AGBL4: variants seen among roughly 807,000 people sequenced by gnomAD.
AGBL4 encodes the protein AGBL carboxypeptidase 4.
AGBL4 carries 58 observed loss-of-function variants against 66.4 expected under a neutral mutation model. The observed-to-expected ratio is 0.87, with a 90% CI of 0.71 to 1.09. AGBL4 has a LOEUF of 1.09. AGBL4 is among the 50% of genes least tolerant of loss of function. The pLI, the probability that AGBL4 is intolerant of heterozygous loss-of-function variation, is 0.00. For synonymous variants in AGBL4, 234 were observed against 222.9 expected, an observed-to-expected ratio of 1.05 and a Z score of -0.44; for missense variants, 579 against 631.0, an observed-to-expected ratio of 0.92 and a Z score of 0.88.
chr1:48,700,943 C>T (rs1055383815), intron 6 of AGBL4, among the ~76,000 whole-genome samples: 7 of 152,248 alleles, frequency 4.6e-5, no homozygotes, highest in East Asian at 1.9e-4. Context: ...CCCACCCCAA[C>T]GAGAACACAG....
chr1:49,640,804 G>T (rs1323116872), intron 3 of AGBL4, among the ~76,000 whole-genome samples: 1 of 152,058 alleles, frequency 6.6e-6, no homozygotes, highest in East Asian at 1.9e-4. Flanking sequence ...GTGTAATCTG[G>T]TGCATAATCT....
At chr1:48,848,841 G>T (rs372534690) in intron 6 of AGBL4, among the ~76,000 whole-genome samples, 1 of 152,180 alleles carries the variant, frequency 6.6e-6, no homozygotes, top group African/African-American at 2.4e-5. Context: ...ACCTGTGTGC[G>T]CACAGATCCA....
chr1:48,892,828 C>A lies in AGBL4; in HGVS notation c.595-25598G>T, dbSNP rs1047698305. Among the ~76,000 whole-genome samples the A allele has an allele frequency of 7.2e-5, 11 of 152,230 alleles. No homozygotes were observed. In the East Asian group the frequency reaches 7.7e-4, roughly 11 times the overall value. On this transcript the variant is annotated intron_variant, in intron 5 of 13. Coordinates refer to ENST00000371839, the MANE Select transcript of AGBL4 (RefSeq NM_032785.4). ...GATATTTTCCTCTAACCATTCCCCC[C>A]CTTTTCTTTTTTAAAATCTTTTGGA... is the stretch of plus-strand genomic sequence containing the variant.
intron 5 of AGBL4, among the ~76,000 whole-genome samples, chr1:48,972,869 G>A (rs570481297): frequency 6.6e-6 from 1 of 152,132 alleles, no homozygotes; most frequent in South Asian, 2.1e-4. Flanking sequence ...TGTTTGTTAC[G>A]CAGTAAGGGC....
intron 5 of AGBL4, among the ~76,000 whole-genome samples, chr1:48,920,838 G>C (rs1237448591): frequency 6.6e-6 from 1 of 152,158 alleles, no homozygotes; most frequent in African/African-American, 2.4e-5. Flanking sequence ...ATACCATGCT[G>C]ACTGTGGTAG....
chr1:49,658,193 T>C (rs1165963946), intron 3 of AGBL4, among the ~76,000 whole-genome samples: 3 of 151,906 alleles, frequency 2.0e-5, no homozygotes, highest in Admixed American at 6.6e-5. Context: ...AAAAAGTGGG[T>C]GAAGGATATG....
chr1:48,691,264 A>C (rs1426517297), intron 6 of AGBL4, among the ~76,000 whole-genome samples: 2 of 151,238 alleles, frequency 1.3e-5, no homozygotes, highest in Non-Finnish European at 2.9e-5. Flanking sequence ...TCTATATTAA[A>C]ATTTTTATTA....
At chr1:48,620,918 GGTGAGGTGGCAGGTAGAGCCGGA>G (rs143806808) in intron 9 of AGBL4, among the ~76,000 whole-genome samples, 1 of 152,214 alleles carries the variant, frequency 6.6e-6, no homozygotes, top group Non-Finnish European at 1.5e-5. Context: ...GGCTCAGAAA[GGTGAGGTGGCAGGTAGAGCCGGA>G]ACTGGAGGCT....
intron 5 of AGBL4, among the ~76,000 whole-genome samples, chr1:48,896,446 G>T (rs1324912968): frequency 2.0e-5 from 3 of 152,218 alleles, no homozygotes; most frequent in Admixed American, 6.5e-5. Flanking sequence ...ATGGCTTCTG[G>T]CACATCATAG....
intron 5 of AGBL4, among the ~76,000 whole-genome samples, chr1:48,876,432 C>T (rs1360745736): frequency 3.3e-5 from 5 of 152,108 alleles, no homozygotes; most frequent in South Asian, 2.1e-4. Context: ...AGAGGAAGGC[C>T]GTTCCAGTCA....
intron 3 of AGBL4, among the ~76,000 whole-genome samples, chr1:49,348,113 A>G (rs899267143): frequency 4.6e-5 from 7 of 151,858 alleles, no homozygotes; most frequent in Admixed American, 4.6e-4. Flanking sequence ...CGCAGTCACA[A>G]GTATACTTAT....
In AGBL4 at chr1:49,086,192, T is replaced by A. The variant is rs576561985; in HGVS notation, c.378-40392A>T. ...TTCTAGCCCACTGGTCCTACTTCTA[T>A]GTGAATTCAGCCAGTGGTCTGAGCC... On this transcript the variant is annotated intron_variant, in intron 4 of 13. Transcript: ENST00000371839. Among the ~76,000 whole-genome samples the A allele has an allele frequency of 4.6e-5, 7 of 151,994 alleles. 1 individual carries two copies. In the South Asian group the frequency reaches 1.5e-3, roughly 32 times the overall value.
intron 4 of AGBL4, among the ~76,000 whole-genome samples, chr1:49,134,161 C>T (rs950077428): frequency 8.6e-5 from 13 of 151,804 alleles, no homozygotes; most frequent in African/African-American, 2.2e-4. Flanking sequence ...AGGGAGTGTA[C>T]GAATAGGGTG....
rs1167835143 is a variant in AGBL4 at position 50,019,306 on chromosome 1, T to TCTCTCTCTCACACACACACACA, written c.34+4456_34+4457insTGTGTGTGTGTGTGAGAGAGAG. On this transcript the variant is annotated intron_variant, in intron 1 of 13. Transcript: ENST00000371839. ...CTCTCTCTCTCTCTCTCTCTCTCTC[T>TCTCTCTCTCACACACACACACA]CACACACACACACACACACACACAC... Among the ~76,000 whole-genome samples the TCTCTCTCTCACACACACACACA allele has an allele frequency of 3.3e-4, 16 of 48,432 alleles. No homozygotes were observed. The East Asian group carries it at 7.4e-3, about 23-fold the overall frequency. 31.8% of individuals were successfully genotyped at this position (48,432 alleles called of 152,430 possible). A position where few individuals can be genotyped will look rare whatever the true frequency, so the allele number is the denominator to read the frequency against.
At chr1:49,134,305 G>C (rs1422035532) in intron 4 of AGBL4, among the ~76,000 whole-genome samples, 1 of 152,108 alleles carries the variant, frequency 6.6e-6, no homozygotes, top group Non-Finnish European at 1.5e-5. Flanking sequence ...CATTGTCATT[G>C]ATAAACATCT....
In AGBL4 at chr1:49,869,846, G is replaced by A. The variant is rs575471310; in HGVS notation, c.35-18328C>T. Among the ~76,000 whole-genome samples the A allele has an allele frequency of 3.9e-5, 6 of 152,266 alleles. No individual in the cohort carries two copies. In the East Asian group the frequency reaches 1.2e-3, roughly 29 times the overall value. On this transcript the variant is annotated intron_variant, in intron 1 of 13. Coordinates refer to ENST00000371839, the MANE Select transcript of AGBL4 (RefSeq NM_032785.4). ...AAGGGGGATAAGGGGATGAAGAGAG[G>A]TTAATTAATAAGTGCAAACATACAC...
At chr1:49,453,295 A>C (rs1351435176) in intron 3 of AGBL4, among the ~76,000 whole-genome samples, 1 of 151,900 alleles carries the variant, frequency 6.6e-6, no homozygotes, top group Non-Finnish European at 1.5e-5. Context: ...TTAAATTCCA[A>C]TCAGAAGTTT....
intron 6 of AGBL4, among the ~76,000 whole-genome samples, chr1:48,715,702 A>AT (rs1647038752): frequency 3.1e-4 from 6 of 19,430 alleles, no homozygotes; most frequent in Admixed American, 6.3e-4. Context: ...GAGGGAAAAA[A>AT]ATGTGTTTCC....
intron 5 of AGBL4, among the ~76,000 whole-genome samples, chr1:48,881,710 C>T (rs1440666662): frequency 1.3e-5 from 2 of 152,152 alleles, no homozygotes; most frequent in Non-Finnish European, 2.9e-5. Flanking sequence ...AATAATGTCA[C>T]TTCTCACAAG....
Sources: allele counts gnomAD v4.1 joint callset (sites outside exome capture counted in the v4.1 genomes callset), GRCh38; gene constraint gnomAD v4.1.1; transcripts MANE v1.5; gene names NCBI Gene and HGNC (gene_info 2026-07-23, HGNC 2026-07-21).